Variants in UBE2E3 observed in about 807,000 individuals in gnomAD.
UBE2E3 encodes the protein ubiquitin conjugating enzyme E2 E3.
UBE2E3 carries 5 observed loss-of-function variants against 23.6 expected under a neutral mutation model. The observed-to-expected ratio is 0.21, with a 90% CI of 0.11 to 0.44. UBE2E3 has a LOEUF of 0.44. UBE2E3 is among the 20% of genes least tolerant of loss of function. UBE2E3 has a pLI of 0.99. For synonymous variants in UBE2E3, 78 were observed against 87.5 expected (o/e 0.89, Z 0.60); for missense variants, 81 against 249.8 (o/e 0.32, Z 4.55).
At chr2:181,041,447 A>T (rs1686501437) in intron 3 of UBE2E3, among the ~76,000 whole-genome samples, 1 of 147,406 alleles carries the variant, frequency 6.8e-6, no homozygotes, top group African/African-American at 2.5e-5. Context: ...AACATAAGGA[A>T]TTTTTTTTTT....
intron 3 of UBE2E3, among the ~76,000 whole-genome samples, chr2:181,043,775 G>A (rs1686587961): frequency 1.3e-5 from 2 of 152,218 alleles, no homozygotes; most frequent in Middle Eastern, 3.4e-3. Flanking sequence ...TTACTGGTGT[G>A]TATGTATAGT....
intron 3 of UBE2E3, among the ~76,000 whole-genome samples, chr2:181,021,516 TTTTA>T (rs1163122245): frequency 5.2e-5 from 7 of 134,158 alleles, no homozygotes; most frequent in Middle Eastern, 3.7e-3. Flanking sequence ...TCCTTCTTTC[TTTTA>T]TTCTTTCTTT....
Position 180,982,137 on chromosome 2 carries a change from C to T in UBE2E3, c.95C>T (p.Pro32Leu), listed in dbSNP as rs753729488. ...ADQRDPAAPE[P>L]EEQEERKPSA... is the part of the protein sequence containing the mutation. ...CAGCGAGACCCAGCCGCTCCAGAGCCTGAAGAACAAGAGGAAAGAAAACCT... is the reference window on the plus strand; with the variant it reads ...CAGCGAGACCCAGCCGCTCCAGAGCTTGAAGAACAAGAGGAAAGAAAACCT... Residue 32 changes from proline (P) to leucine (L), a missense_variant, in exon 2 of 6, where the codon CCT becomes CTT. Physicochemically the swap from Pro to Leu is moderately conservative, Grantham distance 98. Transcript: ENST00000410062. 6.2e-7 allele frequency: 1 copy of T among 1,613,536 alleles called. No homozygotes were observed.
intron 3 of UBE2E3, among the ~76,000 whole-genome samples, chr2:181,001,561 A>T (rs879661394): frequency 6.6e-6 from 1 of 152,182 alleles, no homozygotes; most frequent in African/African-American, 2.4e-5. Context: ...GCATAAGAGA[A>T]GGAATAGGCA....
At chr2:181,009,249 G>C (rs556757595) in intron 3 of UBE2E3, among the ~76,000 whole-genome samples, 1 of 151,960 alleles carries the variant, frequency 6.6e-6, no homozygotes, top group Non-Finnish European at 1.5e-5. Context: ...TAAGAGATTG[G>C]ACACATTATA....
intron 4 of UBE2E3, among the ~76,000 whole-genome samples, chr2:181,058,314 T>C (rs1029740303): frequency 6.6e-6 from 1 of 151,774 alleles, no homozygotes; most frequent in Non-Finnish European, 1.5e-5. Context: ...ACTCATTTTG[T>C]ACCTTCTGTG....
chr2:181,061,675 A>C (rs901954759), intron 5 of UBE2E3, among the ~76,000 whole-genome samples: 1 of 151,680 alleles, frequency 6.6e-6, no homozygotes, highest in African/African-American at 2.4e-5. Context: ...CATAACTTTA[A>C]AAAATGCCTG....
At chr2:180,984,599 G>A (rs1023013737) in intron 3 of UBE2E3, among the ~76,000 whole-genome samples, 38 of 152,140 alleles carry the variant, frequency 2.5e-4, no homozygotes, top group Non-Finnish European at 4.1e-4. Context: ...TTTAGTGGTC[G>A]TTTTCTACAG....
At chr2:180,987,228 C>A in intron 3 of UBE2E3, 1 of 1,199,516 alleles carries the variant, frequency 8.3e-7, no homozygotes, top group Non-Finnish European at 1.2e-6. Context: ...CAATGAGAGT[C>A]AAGGGAAATT....
intron 3 of UBE2E3, among the ~76,000 whole-genome samples, chr2:181,004,679 A>G (rs879877463): frequency 4.6e-5 from 7 of 152,150 alleles, no homozygotes; most frequent in Non-Finnish European, 1.0e-4. Context: ...GGGACTAAAT[A>G]TGTTTAATAC....
intron 3 of UBE2E3, among the ~76,000 whole-genome samples, chr2:181,050,036 G>A (rs1440665015): frequency 2.0e-5 from 3 of 151,868 alleles, no homozygotes; most frequent in African/African-American, 7.3e-5. Flanking sequence ...TTACAAAAAG[G>A]CCAATAAGTT....
In UBE2E3 at chr2:181,029,979, G is replaced by A. The variant is rs532275841; in HGVS notation, c.246-27714G>A. Among the ~76,000 whole-genome samples, 8 of 151,616 alleles carry A rather than the reference G, an allele frequency of 5.3e-5. No individual in the cohort carries two copies. The South Asian group carries it at 8.4e-4, about 16-fold the overall frequency. ...AGCCTCCCGAGCTGGGACTACAGGC[G>A]CCCGCCACCATGCCTGGCTAATTTT... On this transcript the variant is annotated intron_variant, in intron 3 of 5. Transcript: ENST00000410062.
At chr2:181,020,953 C>A (rs1042161639) in intron 3 of UBE2E3, among the ~76,000 whole-genome samples, 3 of 151,968 alleles carry the variant, frequency 2.0e-5, no homozygotes, top group Admixed American at 1.3e-4. Context: ...TTTTATCCTT[C>A]CTGTTTTGTA....
intron 3 of UBE2E3, among the ~76,000 whole-genome samples, chr2:181,053,067 C>T (rs960517932): frequency 2.0e-5 from 3 of 151,756 alleles, no homozygotes; most frequent in African/African-American, 7.3e-5. Flanking sequence ...CTTTTCCTCT[C>T]GTTCTTTGTG....
rs888589289 is a variant in UBE2E3, at chr2:180,980,869, C to G, written c.-130C>G. 3 of 149,822 alleles carry G rather than the reference C, an allele frequency of 2.0e-5. No homozygotes were observed. Among genetic ancestry groups the G allele is most frequent in the Admixed American group, 1.3e-4 (2 of 15,048 alleles). 9.3% of individuals were successfully genotyped at this position (149,822 alleles called of 1,614,324 possible). A position where few individuals can be genotyped will look rare whatever the true frequency, so the allele number is the denominator to read the frequency against. The stretch of plus-strand genomic sequence containing the variant: ...TCGGCTTCTTTTTTTCCCTCCCCCC[C>G]CTTCCCCCCCCCACAGCTGCCTCCA... On this transcript the variant is annotated 5_prime_UTR_variant, in exon 1 of 6. Transcript: ENST00000410062. This position sits in a 1 kb window ranked among gnomAD's most constrained non-coding sequence, Gnocchi z 5.5.
chr2:181,022,678 A>T (rs551028467), intron 3 of UBE2E3, among the ~76,000 whole-genome samples: 1 of 152,180 alleles, frequency 6.6e-6, no homozygotes, highest in South Asian at 2.1e-4. Context: ...GAAATTACTA[A>T]CAAAAAGCAC....
chr2:180,987,381 G>C (rs1229779601), intron 3 of UBE2E3: 1 of 1,549,898 alleles, frequency 6.5e-7, no homozygotes, highest in African/African-American at 1.4e-5. Flanking sequence ...TGCAAACAGC[G>C]AAAGTTTAGA....
intron 3 of UBE2E3, among the ~76,000 whole-genome samples, chr2:181,053,597 G>GT (rs1458940410): frequency 1.7e-5 from 1 of 58,294 alleles, no homozygotes; most frequent in Non-Finnish European, 3.2e-5. Context: ...AAAACCCCTT[G>GT]TATCTCTGCC....
At chr2:181,042,635 C>T (rs1686550211) in intron 3 of UBE2E3, among the ~76,000 whole-genome samples, 1 of 152,190 alleles carries the variant, frequency 6.6e-6, no homozygotes, top group African/African-American at 2.4e-5. Flanking sequence ...CGTATTAGCT[C>T]TGGAGCCTTG....
Sources: gnomAD v4.1 joint callset for allele counts (sites outside exome capture counted in the v4.1 genomes callset) on GRCh38, gnomAD v4.1.1 for gene constraint, Gnocchi (gnomAD v3.1) non-coding constraint, MANE v1.5 for transcripts, NCBI Gene and HGNC (gene_info 2026-07-23, HGNC 2026-07-21) for gene names.